The following LRRC63 variants were observed in gnomAD, a reference collection of about 807,000 sequenced individuals.
LRRC63 encodes leucine rich repeat containing 63, also known as leucine-rich repeat-containing protein 63.
In LRRC63, 40 loss-of-function variants were observed where a neutral mutation model predicts 49.5. The observed-to-expected ratio is 0.81, with a 90% CI of 0.63 to 1.05. The LOEUF (loss-of-function observed/expected upper bound fraction) is 1.05. Among genes scored for constraint, LRRC63 ranks in the 50% least tolerant of loss-of-function variants. The pLI is 0.00. For synonymous variants in LRRC63, 191 were observed against 221.1 expected (o/e 0.86, Z 1.21); for missense variants, 636 against 663.1 (o/e 0.96, Z 0.45).
intron 2 of LRRC63, among the ~76,000 whole-genome samples, chr13:46,217,003 G>T (rs192008120): frequency 6.6e-6 from 1 of 152,132 alleles, no homozygotes; most frequent in African/African-American, 2.4e-5. Context: ...TGCTGGATTC[G>T]GTTTGCCACT....
chr13:46,275,238 C>T (rs2047817797), intron 9 of LRRC63, among the ~76,000 whole-genome samples: 1 of 152,124 alleles, frequency 6.6e-6, no homozygotes, highest in Admixed American at 6.6e-5. Context: ...ACATTTAGGT[C>T]AACTCCATAT....
intron 5 of LRRC63, among the ~76,000 whole-genome samples, chr13:46,238,471 A>T (rs958492442): frequency 5.3e-5 from 8 of 151,800 alleles, no homozygotes; most frequent in Non-Finnish European, 1.0e-4. Context: ...GTAATTTATT[A>T]AAAAAAAAGA....
chr13:46,270,622 A>G, intron 9 of LRRC63: 1 of 846,432 alleles, frequency 1.2e-6, no homozygotes, highest in Non-Finnish European at 2.0e-6. Flanking sequence ...TGACGTCATG[A>G]GGACTGACAT....
intron 7 of LRRC63, among the ~76,000 whole-genome samples, chr13:46,255,604 G>A (rs1253846775): frequency 3.4e-5 from 5 of 145,008 alleles, no homozygotes; most frequent in African/African-American, 1.3e-4. Flanking sequence ...GGAAGTTGAG[G>A]CTGCAGTGAG....
At chr13:46,266,833 A>G (rs1221468938) in exon 9 of LRRC63, 4 of 1,549,906 alleles carry the variant, frequency 2.6e-6, no homozygotes, top group Non-Finnish European at 3.5e-6. Context: ...GAATAATTTC[A>G]CTCATCCTTG....
intron 7 of LRRC63, among the ~76,000 whole-genome samples, chr13:46,260,697 G>A (rs910934830): frequency 1.3e-5 from 2 of 152,176 alleles, no homozygotes; most frequent in Non-Finnish European, 2.9e-5. Flanking sequence ...AAAAGACAAT[G>A]ATCAGAGTCA....
intron 5 of LRRC63, among the ~76,000 whole-genome samples, chr13:46,236,967 G>A (rs771141206): frequency 2.3e-4 from 35 of 152,082 alleles, no homozygotes; most frequent in Non-Finnish European, 4.6e-4. Flanking sequence ...AGTTAATTTG[G>A]TATCAATCCA....
chr13:46,266,958 G>C, exon 9 of LRRC63: 1 of 1,534,824 alleles, frequency 6.5e-7, no homozygotes, highest in Non-Finnish European at 8.8e-7. Context: ...TAGAAGTTCA[G>C]AAGTTACTAA....
chr13:46,259,745 C>T (rs1220909723), intron 7 of LRRC63, among the ~76,000 whole-genome samples: 1 of 151,888 alleles, frequency 6.6e-6, no homozygotes, highest in Admixed American at 6.6e-5. Flanking sequence ...TTATAGCTTC[C>T]ATTTTTTTAA....
intron 8 of LRRC63, among the ~76,000 whole-genome samples, chr13:46,264,367 A>G (rs1350384256): frequency 1.3e-5 from 2 of 152,198 alleles, no homozygotes; most frequent in South Asian, 4.1e-4. Context: ...TATTGTTTAC[A>G]TGTTAGGTCT....
At chr13:46,254,588 A>T (rs866655954) in intron 7 of LRRC63, among the ~76,000 whole-genome samples, 1 of 152,324 alleles carries the variant, frequency 6.6e-6, no homozygotes, top group Middle Eastern at 3.4e-3. Flanking sequence ...CCTATAATGC[A>T]TCAGTTGAGA....
At chr13:46,268,723 C>T (rs2047714855) in intron 9 of LRRC63, among the ~76,000 whole-genome samples, 1 of 151,344 alleles carries the variant, frequency 6.6e-6, no homozygotes. Flanking sequence ...AAAGGATGTA[C>T]ATCAAAAAAA....
intron 6 of LRRC63, among the ~76,000 whole-genome samples, chr13:46,249,150 G>A (rs1726457185): frequency 6.6e-6 from 1 of 151,436 alleles, no homozygotes; most frequent in African/African-American, 2.4e-5. Context: ...GTACTCAGAG[G>A]GAAACTTATA....
chr13:46,255,094 T>G (rs2047475936), intron 7 of LRRC63, among the ~76,000 whole-genome samples: 1 of 152,126 alleles, frequency 6.6e-6, no homozygotes, highest in Admixed American at 6.6e-5. Flanking sequence ...GAAAACAGAA[T>G]GAAATGCTAG....
intron 6 of LRRC63, among the ~76,000 whole-genome samples, chr13:46,249,091 A>T (rs1457540698): frequency 2.0e-5 from 3 of 151,840 alleles, no homozygotes; most frequent in African/African-American, 7.2e-5. Flanking sequence ...TTTTTAGATA[A>T]ATGAAAATGA....
At chr13:46,229,985 C>T (rs963902170) in intron 4 of LRRC63, among the ~76,000 whole-genome samples, 8 of 151,980 alleles carry the variant, frequency 5.3e-5, no homozygotes, top group Non-Finnish European at 1.0e-4. Flanking sequence ...GTACAGGTGC[C>T]ACAAACTTTA....
At chr13:46,272,249 A>G (rs2047770342) in intron 9 of LRRC63, among the ~76,000 whole-genome samples, 1 of 152,238 alleles carries the variant, frequency 6.6e-6, no homozygotes, top group Non-Finnish European at 1.5e-5. Context: ...AAACTGTGGA[A>G]AGCAATACCT....
intron 2 of LRRC63, among the ~76,000 whole-genome samples, chr13:46,220,650 G>GA (rs11441080): frequency 0.29 from 39,744 of 139,038 alleles, 5,508 homozygotes; most frequent in East Asian, 0.39. Context: ...ACTGGGGTAT[G>GA]AAAAAAAAAA....
intron 2 of LRRC63, among the ~76,000 whole-genome samples, chr13:46,223,484 G>GTTTT (rs75553094): frequency 7.6e-5 from 10 of 131,690 alleles, no homozygotes; most frequent in Admixed American, 4.5e-4. Context: ...AGTTTTTTTT[G>GTTTT]TTTTTTTTTT....
Sources: gnomAD v4.1 joint callset for allele counts (sites outside exome capture counted in the v4.1 genomes callset) on GRCh38, gnomAD v4.1.1 for gene constraint, MANE v1.5 for transcripts, NCBI Gene and HGNC (gene_info 2026-07-23, HGNC 2026-07-21) for gene names.